ECD: variants seen among roughly 807,000 people sequenced by gnomAD.
The protein encoded by ECD is ecdysoneless cell cycle regulator.
Under a neutral mutation model 77.2 loss-of-function variants are expected in ECD, and 59 were observed. The ratio of observed to expected loss-of-function variants is 0.76; its 90% CI spans 0.62 to 0.95. The LOEUF is 0.95. Ranked by LOEUF, ECD falls within the 40% of genes least tolerant of loss-of-function variation. The probability of loss-of-function intolerance (pLI) is 0.00; values close to 1 mark genes in which losing one functional copy is unlikely to be tolerated. For synonymous variants in ECD, 233 were observed against 267.4 expected (o/e 0.87, Z 1.26); for missense variants, 704 against 763.4 (o/e 0.92, Z 0.92).
intron 2 of ECD, 70 bp downstream of exon 2, chr10:73,163,663 C>T: frequency 6.8e-7 from 1 of 1,477,808 alleles, no homozygotes; most frequent in South Asian, 1.2e-5. Context: ...GAAGCGTGGA[C>T]TATTACACAT....
Position 73,139,654 on chromosome 10 carries a change from G to C in ECD, c.1211C>G (p.Ala404Gly), listed in dbSNP as rs1490496881. The change falls in exon 10 of 14, where the codon GCA (alanine) becomes GGA (glycine). Residue 404 changes from alanine (A) to glycine (G), a missense_variant. Physicochemically the swap from Ala to Gly is moderately conservative, Grantham distance 60. Around this residue, in one of 3 missense-constraint regions of ECD, gnomAD observed 559 missense variants for 583.7 expected, o/e 0.96. Coordinates refer to ENST00000372979, the MANE Select transcript of ECD (RefSeq NM_007265.3). Reference protein sequence around the residue: ...PFDIEDLKKEAANLPPEDDDQ... With the variant: ...PFDIEDLKKEGANLPPEDDDQ... ...ACCATCCTCTGGGGGAAGATTAGCT[G>C]CTTCTTTCTTAAGGTCTTCTATATC... The C allele has an allele frequency of 3.1e-6, 5 of 1,610,838 alleles. No homozygotes were observed. In the Admixed American group the frequency reaches 8.4e-5, roughly 27 times the overall value.
At chr10:73,136,652 G>T in intron 13 of ECD, 52 bp downstream of exon 13, 1 of 1,493,966 alleles carries the variant, frequency 6.7e-7, no homozygotes, top group Non-Finnish European at 9.3e-7. Context: ...TATGGTTTTA[G>T]CTATCTGACA....
intron 2 of ECD, among the ~76,000 whole-genome samples, chr10:73,160,769 G>T (rs1339567112): frequency 6.6e-6 from 1 of 152,180 alleles, no homozygotes; most frequent in African/African-American, 2.4e-5. Context: ...TCTAGAACAG[G>T]AGTGTGCAGT....
intron 12 of ECD, among the ~76,000 whole-genome samples, chr10:73,137,340 T>C (rs1309105046): frequency 6.6e-6 from 1 of 152,190 alleles, no homozygotes; most frequent in Admixed American, 6.5e-5. Context: ...TCTGCAGTTC[T>C]GTACATATAT....
At chr10:73,139,251 T>C in intron 11 of ECD, 58 bp downstream of exon 11, 1 of 1,451,698 alleles carries the variant, frequency 6.9e-7, no homozygotes, top group Non-Finnish European at 9.2e-7. Flanking sequence ...TGGCAATGAC[T>C]ATGACTTCAA....
rs1184004942 is a variant in ECD, at chr10:73,148,341, G to C, written c.976C>G (p.Leu326Val). ...SPHFSDCKKS[L>V]VTASPLWASF... The stretch of plus-strand genomic sequence containing the variant: ...GCCCAGAGTGGTGAGGCAGTCACAA[G>C]GGATTTCTTGCAGTCAGAAAAATGT... Residue 326 changes from leucine (L) to valine (V), a missense_variant, in exon 8 of 14, where the codon CTT becomes GTT. By Grantham distance (32) the Leu-to-Val change is conservative (BLOSUM62 1). This residue lies in a region of ECD where 559 missense variants were observed against 583.7 expected (regional missense o/e 0.96). Coordinates refer to ENST00000372979, the MANE Select transcript of ECD (RefSeq NM_007265.3). 1 of 1,613,880 alleles carries C rather than the reference G, an allele frequency of 6.2e-7. No individual in the cohort carries two copies. The highest frequency in any genetic ancestry group is 8.5e-7 in the Non-Finnish European group (1 of 1,179,872).
chr10:73,146,907 T>C (rs898179142), intron 8 of ECD, among the ~76,000 whole-genome samples: 1 of 152,196 alleles, frequency 6.6e-6, no homozygotes. Flanking sequence ...TAAATGCATA[T>C]TTATAGTGAT....
chr10:73,156,232 C>CATTGCTA, intron 5 of ECD, 43 bp downstream of exon 5: 1 of 1,513,722 alleles, frequency 6.6e-7, no homozygotes, highest in Non-Finnish European at 8.8e-7. Context: ...TACACGAAAC[C>CATTGCTA]AAAAGGTTCC....
intron 3 of ECD, among the ~76,000 whole-genome samples, chr10:73,158,843 G>A (rs1252491739): frequency 6.6e-6 from 1 of 152,052 alleles, no homozygotes; most frequent in East Asian, 1.9e-4. Context: ...TTCAAGTCCC[G>A]CCTGGGCAAA....
chr10:73,148,207 G>C (rs962460260), intron 8 of ECD, 69 bp downstream of exon 8: 17 of 1,574,702 alleles, frequency 1.1e-5, no homozygotes, highest in African/African-American at 2.7e-5. Flanking sequence ...ATGGACTATA[G>C]GACTTTAAGT....
chr10:73,156,662 C>T lies in ECD; in HGVS notation c.324-7G>A, dbSNP rs374333094. The stretch of plus-strand genomic sequence containing the variant: ...ACCATCATTGTCTTCAATCCTAATG[C>T]AAGAAAATTTCCAATTTTGCATTCA... On this transcript the variant is annotated splice_region_variant and splice_polypyrimidine_tract_variant and intron_variant, in intron 3 of 13. Coordinates refer to ENST00000372979, the MANE Select transcript of ECD (RefSeq NM_007265.3). 1.9e-4 allele frequency: 302 copies of T among 1,612,160 alleles called. No homozygotes were observed. Among genetic ancestry groups the T allele is most frequent in the Non-Finnish European group, 2.3e-4 (273 of 1,179,802 alleles).
At position 73,158,887 on chromosome 10, in the gene ECD, A is replaced by G. The variant is rs1020879466; in HGVS notation, c.323+1547T>C. 2.6e-5 allele frequency among the ~76,000 whole-genome samples: 4 copies of G among 152,110 alleles called. No individual in the cohort carries two copies. The South Asian group carries it at 6.2e-4, about 24-fold the overall frequency. On this transcript the variant is annotated intron_variant, in intron 3 of 13. Coordinates refer to ENST00000372979, the MANE Select transcript of ECD (RefSeq NM_007265.3). ...ACCCCGTCTTTAAAAAACTAAATAA[A>G]TAATAAATAAATTTAAAACATTTAA...
At position 73,138,022 on chromosome 10, in the gene ECD, AT is replaced by A; in HGVS notation, c.1469del (p.Asn490IlefsTer7). ...PITFDADSFL[N>X]YFDKILGPRP... ...ACTTACCTAAAATCTTATCAAAATAATTAAGAAAAGAATCTGCATCAAAAGT... is the reference window on the plus strand; with the variant it reads ...ACTTACCTAAAATCTTATCAAAATAATAAGAAAAGAATCTGCATCAAAAGT... On this transcript the variant is annotated frameshift_variant, in exon 12 of 14. Transcript: ENST00000372979. LOFTEE classifies it high-confidence loss of function. The A allele has an allele frequency of 6.3e-7, 1 of 1,597,634 alleles. No individual in the cohort carries two copies. Among genetic ancestry groups the A allele is most frequent in the Non-Finnish European group, 8.5e-7 (1 of 1,174,774 alleles).
chr10:73,162,831 C>T (rs1316385434), intron 2 of ECD, among the ~76,000 whole-genome samples: 3 of 152,328 alleles, frequency 2.0e-5, no homozygotes, highest in Admixed American at 2.0e-4. Context: ...ATGTCTGCTG[C>T]TTAAACTTCA....
chr10:73,163,778 T>G lies in ECD; in HGVS notation c.160A>C (p.Ile54Leu), dbSNP rs776376702. The G allele has an allele frequency of 1.2e-6, 2 of 1,614,062 alleles. No individual in the cohort carries two copies. The highest frequency in any genetic ancestry group is 2.7e-5 in the African/African-American group (2 of 74,932). ...AGATTGAAAGGCTGATTCTGCCAGA[T>G]GTAGGGGACCAGCATAGGTGCAAAC... ...TRFAPMLVPY[I>L]WQNQPFNLKY... Residue 54 changes from isoleucine to leucine, a missense_variant, in exon 2 of 14, where the codon ATC becomes CTC. Physicochemically the swap from Ile to Leu is conservative, Grantham distance 5. Around this residue, in one of 3 missense-constraint regions of ECD, gnomAD observed 559 missense variants for 583.7 expected, o/e 0.96. Transcript: ENST00000372979.
chr10:73,143,205 G>A (rs1279463859), intron 9 of ECD, among the ~76,000 whole-genome samples: 1 of 152,196 alleles, frequency 6.6e-6, no homozygotes. Flanking sequence ...GTCTTGCTCT[G>A]TCACCTAGGC....
At chr10:73,142,701 C>T (rs947434365) in intron 9 of ECD, among the ~76,000 whole-genome samples, 5 of 151,970 alleles carry the variant, frequency 3.3e-5, no homozygotes, top group African/African-American at 1.2e-4. Context: ...TGCCACCCAT[C>T]CCAATCCATT....
chr10:73,135,734 A>G (rs916654478), intron 13 of ECD, among the ~76,000 whole-genome samples: 1 of 151,400 alleles, frequency 6.6e-6, no homozygotes, highest in Non-Finnish European at 1.5e-5. Context: ...ATAAAATAAT[A>G]ATAATAATAA....
chr10:73,145,558 A>C (rs186101110), intron 9 of ECD, among the ~76,000 whole-genome samples: 4 of 152,258 alleles, frequency 2.6e-5, no homozygotes, highest in African/African-American at 9.6e-5. Flanking sequence ...ACATAAATTA[A>C]AATGTTGGAC....
Sources: gnomAD v4.1 joint callset for allele counts (sites outside exome capture counted in the v4.1 genomes callset) on GRCh38, gnomAD v4.1.1 for gene constraint, gnomAD v4.1.1 regional missense constraint, MANE v1.5 for transcripts, NCBI Gene and HGNC (gene_info 2026-07-23, HGNC 2026-07-21) for gene names.